Variants in RELL1 observed in about 807,000 individuals in gnomAD.
RELL1 encodes RELT-like protein 1.
In RELL1, 10 loss-of-function variants were observed where a neutral mutation model predicts 23.0. That is an observed-to-expected ratio of 0.43 (90% confidence interval 0.27 to 0.74). The LOEUF (loss-of-function observed/expected upper bound fraction) is 0.74, where lower values mean the gene tolerates loss of function less well. Among genes scored for constraint, RELL1 ranks in the 30% least tolerant of loss-of-function variants. RELL1 has a pLI of 0.19. For missense variants in RELL1, 315 were observed against 364.4 expected, an observed-to-expected ratio of 0.86 and a Z score of 1.10; for synonymous variants, 146 against 146.8, an observed-to-expected ratio of 0.99 and a Z score of 0.04.
At chr4:37,680,457 C>T (rs62297230) in intron 1 of RELL1, among the ~76,000 whole-genome samples, 15,497 of 152,108 alleles carry the variant, frequency 0.1, 800 homozygotes, top group Non-Finnish European at 0.12. Flanking sequence ...TGAAATCTCC[C>T]AAATAGATAC....
chr4:37,631,971 C>T (rs1389212215), intron 5 of RELL1, among the ~76,000 whole-genome samples: 3 of 145,058 alleles, frequency 2.1e-5, no homozygotes, highest in African/African-American at 5.1e-5. Context: ...CCCAGCTACT[C>T]GGGAGGCTGA....
Position 37,672,481 on chromosome 4 carries a change from T to C in RELL1, c.88+13719A>G, listed in dbSNP as rs372387363. ...TCAAGAGTCTTTACTCACTAATATA[T>C]CAAGATGCAGCACTGAACCAGTGTA... On this transcript the variant is annotated intron_variant, in intron 1 of 6. Transcript: ENST00000454158. Among the ~76,000 whole-genome samples the C allele has an allele frequency of 3.1e-4, 47 of 152,320 alleles. No individual in the cohort carries two copies. In the East Asian group the frequency reaches 5.4e-3, roughly 17 times the overall value.
At chr4:37,609,615 T>C, downstream of RELL1, among the ~76,000 whole-genome samples, 1 of 152,202 alleles carries the variant, frequency 6.6e-6, no homozygotes, top group East Asian at 1.9e-4. Context: ...CTAGATGCCA[T>C]TAAGAACATT....
chr4:37,636,748 T>C (rs967283943), intron 4 of RELL1, among the ~76,000 whole-genome samples: 4 of 152,148 alleles, frequency 2.6e-5, no homozygotes, highest in Admixed American at 1.3e-4. Flanking sequence ...GTGGGAGTAC[T>C]GAGGGTGGCG....
At chr4:37,639,961 T>C (rs1444192044) in intron 3 of RELL1, among the ~76,000 whole-genome samples, 2 of 152,200 alleles carry the variant, frequency 1.3e-5, no homozygotes, top group Non-Finnish European at 2.9e-5. Flanking sequence ...AAGAGCCTTG[T>C]TCAACTATTT....
At chr4:37,681,078 A>G (rs1388136966) in intron 1 of RELL1, among the ~76,000 whole-genome samples, 1 of 152,150 alleles carries the variant, frequency 6.6e-6, no homozygotes, top group East Asian at 1.9e-4. Flanking sequence ...TTTTCCAAAA[A>G]TACCTAGTGC....
At chr4:37,604,327 T>C (rs776270896) in intron 6 of RELL1, among the ~76,000 whole-genome samples, 13 of 151,720 alleles carry the variant, frequency 8.6e-5, no homozygotes, top group Non-Finnish European at 1.8e-4. Context: ...ACTAAGCCCG[T>C]CGTCCCCAAG....
chr4:37,619,961 T>G (rs1719713646), intron 6 of RELL1, among the ~76,000 whole-genome samples: 1 of 152,202 alleles, frequency 6.6e-6, no homozygotes, highest in Admixed American at 6.5e-5. Context: ...TATTTCATTA[T>G]TAGTAAAGTT....
chr4:37,607,796 G>GA (rs1719269218), downstream of RELL1, among the ~76,000 whole-genome samples: 1 of 151,978 alleles, frequency 6.6e-6, no homozygotes, highest in African/African-American at 2.4e-5. Flanking sequence ...CACCATGGTG[G>GA]CCAGGATGGT....
At position 37,638,429 on chromosome 4, in the gene RELL1, G is replaced by C; in HGVS notation, c.443+18C>G. On this transcript the variant is annotated intron_variant, in intron 4 of 6. Coordinates refer to ENST00000454158, the MANE Select transcript of RELL1 (RefSeq NM_001085400.2). ...ACTGAAAAGATGTCGCACTAAGAAA[G>C]AGGGGAGGAGCACTCACCTTTCAGG... 1.3e-6 allele frequency: 2 copies of C among 1,595,032 alleles called. No homozygotes were observed. The highest frequency in any genetic ancestry group is 2.2e-5 in the South Asian group (2 of 89,600).
chr4:37,590,649 C>T (rs767940195), downstream of RELL1: 38 of 1,613,976 alleles, frequency 2.4e-5, no homozygotes, highest in South Asian at 2.1e-4. Flanking sequence ...CTGGAGACAA[C>T]GTTGATCATA....
chr4:37,673,349 C>T (rs532761699), intron 1 of RELL1, among the ~76,000 whole-genome samples: 9 of 151,868 alleles, frequency 5.9e-5, no homozygotes, highest in African/African-American at 2.2e-4. Flanking sequence ...GCCACCATGC[C>T]CAGCTAATTT....
intron 1 of RELL1, among the ~76,000 whole-genome samples, chr4:37,669,577 T>C (rs1721743281): frequency 6.6e-6 from 1 of 152,114 alleles, no homozygotes. Flanking sequence ...AATGGCAGTT[T>C]TGTGGAATAG....
intron 6 of RELL1, among the ~76,000 whole-genome samples, chr4:37,599,283 C>A (rs1420648930): frequency 6.6e-6 from 1 of 152,086 alleles, no homozygotes; most frequent in East Asian, 1.9e-4. Context: ...AATGGGAGGG[C>A]CGCTGAACGA....
chr4:37,596,875 C>T (rs907571613), intron 6 of RELL1, among the ~76,000 whole-genome samples: 7 of 149,082 alleles, frequency 4.7e-5, no homozygotes, highest in African/African-American at 1.5e-4. Context: ...CAGCCTCCCA[C>T]GTAGCTGGAA....
At position 37,674,162 on chromosome 4, in the gene RELL1, A is replaced by C. The variant is rs76396847; in HGVS notation, c.88+12038T>G. Among the ~76,000 whole-genome samples, 680 of 152,296 alleles carry C rather than the reference A, an allele frequency of 4.5e-3. 4 individuals are homozygous for C. Among genetic ancestry groups the C allele is most frequent in the African/African-American group, 0.016 (647 of 41,564 alleles). Reference sequence around the variant, plus strand: ...TTACACCAAACACATTCTCTACTATACTATAGTGATTTGTATTCATAGCTT... The same window carrying C: ...TTACACCAAACACATTCTCTACTATCCTATAGTGATTTGTATTCATAGCTT... On this transcript the variant is annotated intron_variant, in intron 1 of 6. Transcript: ENST00000454158.
chr4:37,619,518 T>C (rs1719698244), intron 6 of RELL1, among the ~76,000 whole-genome samples: 1 of 152,132 alleles, frequency 6.6e-6, no homozygotes, highest in African/African-American at 2.4e-5. Flanking sequence ...CATGAACCAG[T>C]TTGCCTGGGA....
chr4:37,605,204 A>G (rs971274427), intron 6 of RELL1, among the ~76,000 whole-genome samples: 4 of 151,840 alleles, frequency 2.6e-5, no homozygotes, highest in African/African-American at 7.2e-5. Context: ...TTTTACAGAT[A>G]GATACAAAAA....
rs1209092562 is a variant in RELL1, at chr4:37,670,737, A to AT, written c.88+15462dup. Among the ~76,000 whole-genome samples the AT allele has an allele frequency of 2.6e-5, 4 of 151,910 alleles. No homozygotes were observed. The East Asian group carries it at 5.8e-4, about 22-fold the overall frequency. On this transcript the variant is annotated intron_variant, in intron 1 of 6. Transcript: ENST00000454158. ...AGGCACGTGCCACCATGCCCAGCTGATTTTTTGTATTTTTTTAGTAGAGAC... is the reference window on the plus strand; with the variant it reads ...AGGCACGTGCCACCATGCCCAGCTGATTTTTTTGTATTTTTTTAGTAGAGAC...
Sources: gnomAD v4.1 joint callset for allele counts (sites outside exome capture counted in the v4.1 genomes callset) on GRCh38, gnomAD v4.1.1 for gene constraint, MANE v1.5 for transcripts, NCBI Gene and HGNC (gene_info 2026-07-23, HGNC 2026-07-21) for gene names.